The following GGT1 variants were observed in gnomAD, a reference collection of about 807,000 sequenced individuals.
GGT1 encodes glutathione hydrolase 1 proenzyme.
A neutral mutation model predicts 56.0 loss-of-function variants in GGT1; 21 were observed. The ratio of observed to expected loss-of-function variants is 0.38; its 90% CI spans 0.27 to 0.54. The LOEUF (loss-of-function observed/expected upper bound fraction) is 0.54, where lower values mean the gene tolerates loss of function less well. Among genes scored for constraint, GGT1 ranks in the 20% least tolerant of loss-of-function variants. The probability of loss-of-function intolerance (pLI) is 0.82; values close to 1 mark genes in which losing one functional copy is unlikely to be tolerated. For synonymous variants in GGT1, 238 were observed against 342.6 expected, an observed-to-expected ratio of 0.69 and a Z score of 3.37; for missense variants, 466 against 787.0, an observed-to-expected ratio of 0.59 and a Z score of 4.88.
chr22:24,594,384 C>CGT (rs762877347), upstream of GGT1, among the ~76,000 whole-genome samples: 23,192 of 140,026 alleles, frequency 0.17, 1,933 homozygotes, highest in Middle Eastern at 0.24. Flanking sequence ...GCCAAGCACC[C>CGT]GTGTGTATGT....
chr22:24,586,022 G>A, the GGT1 span: 18 of 1,611,114 alleles, frequency 1.1e-5, no homozygotes, highest in African/African-American at 1.9e-4. Context: ...GGGGAGTGAG[G>A]TGCGCTGGCT....
chr22:24,584,979 A>G, the GGT1 span, among the ~76,000 whole-genome samples: 2 of 151,888 alleles, frequency 1.3e-5, no homozygotes, highest in African/African-American at 4.8e-5. Context: ...TCTGCCCCCA[A>G]GGCCCCCTGC....
chr22:24,602,652 A>G (rs2330805), upstream of GGT1, among the ~76,000 whole-genome samples: 75,584 of 152,002 alleles, frequency 0.5, 21,543 homozygotes, highest in African/African-American at 0.79. Flanking sequence ...ATTGGGGGTC[A>G]AGGAAGGACC....
chr22:24,599,742 G>A (rs1453984712), upstream of GGT1, among the ~76,000 whole-genome samples: 1 of 152,204 alleles, frequency 6.6e-6, no homozygotes, highest in Non-Finnish European at 1.5e-5. Context: ...GCGCAGACTC[G>A]TCAGTGAGAG....
In GGT1 at chr22:24,614,902, C is replaced by A; in HGVS notation, c.291C>A (p.Thr97=). The A allele has an allele frequency of 6.2e-7, 1 of 1,613,144 alleles. No individual in the cohort carries two copies. Among genetic ancestry groups the A allele is most frequent in the Non-Finnish European group, 8.5e-7 (1 of 1,179,548 alleles). The change falls in exon 6 of 16, where the codon ACC becomes ACA. Residue 97 remains threonine (T), a synonymous_variant. Coordinates refer to ENST00000400382, the MANE Select transcript of GGT1 (RefSeq NM_001288833.2). ...GGLFLTIYNS[T]TRKAEVINAR... ...TCTTCCTCACCATCTACAACAGCAC[C>A]ACACGTGAGTGCCTCGGGAGAGGAG...
chr22:24,589,233 C>T, the GGT1 span: 20 of 1,262,612 alleles, frequency 1.6e-5, no homozygotes, highest in Non-Finnish European at 1.8e-5. Context: ...GGCAGGACAT[C>T]TGCAGGTGCT....
the GGT1 span, chr22:24,585,546 T>G: frequency 3.6e-5 from 12 of 333,062 alleles, no homozygotes; most frequent in East Asian, 6.5e-5. Context: ...GTCCCACCCT[T>G]TTGGATAGAC....
At chr22:24,587,446 C>G in the GGT1 span, among the ~76,000 whole-genome samples, 1 of 152,196 alleles carries the variant, frequency 6.6e-6, no homozygotes. Context: ...CCCTCAGGAC[C>G]CCCACCAGCC....
intron 9 of GGT1, among the ~76,000 whole-genome samples, chr22:24,622,232 A>G (rs1260643159): frequency 6.6e-6 from 1 of 150,636 alleles, no homozygotes; most frequent in Non-Finnish European, 1.5e-5. Flanking sequence ...GGGGTGGGGA[A>G]CAAGAAAACA....
chr22:24,604,476 G>A lies in GGT1; in HGVS notation c.-429+949G>A, dbSNP rs565707930. Among the ~76,000 whole-genome samples the A allele has an allele frequency of 1.3e-3, 202 of 152,220 alleles. 1 individual carries two copies. Among genetic ancestry groups the A allele is most frequent in the African/African-American group, 4.7e-3 (197 of 41,532 alleles). ...AAGCTGCTCTGCTCAGCCTAAATGA[G>A]GCTCAGTTGTGTGTGTGCGCACGTG... On this transcript the variant is annotated intron_variant, in intron 1 of 15. Coordinates refer to ENST00000400382, the MANE Select transcript of GGT1 (RefSeq NM_001288833.2).
Position 24,605,469 on chromosome 22 carries a change from T to C in GGT1, c.-429+1942T>C, listed in dbSNP as rs1253890262. On this transcript the variant is annotated intron_variant, in intron 1 of 15. Coordinates refer to ENST00000400382, the MANE Select transcript of GGT1 (RefSeq NM_001288833.2). ...ATAATGTGTATTATATATAATATAA[T>C]ATTATATAATGTGTATTATATATTA... Among the ~76,000 whole-genome samples the C allele has an allele frequency of 2.1e-4, 15 of 73,128 alleles. 3 individuals are homozygous for C. The highest frequency in any genetic ancestry group is 1.9e-3 in the South Asian group (5 of 2,638). 48.0% of individuals were successfully genotyped at this position (73,128 alleles called of 152,430 possible). A position where few individuals can be genotyped will look rare whatever the true frequency, so the allele number is the denominator to read the frequency against.
the GGT1 span, among the ~76,000 whole-genome samples, chr22:24,584,201 A>G: frequency 6.6e-6 from 1 of 152,174 alleles, no homozygotes; most frequent in South Asian, 2.1e-4. Flanking sequence ...AGTCCCTAAA[A>G]CAAGGAGAGC....
the GGT1 span, among the ~76,000 whole-genome samples, chr22:24,587,709 C>G: frequency 6.6e-6 from 1 of 152,178 alleles, no homozygotes; most frequent in Non-Finnish European, 1.5e-5. Context: ...CCACGGAAGC[C>G]TCAGTTTTAG....
upstream of GGT1, among the ~76,000 whole-genome samples, chr22:24,591,834 G>A (rs1043218885): frequency 1.3e-5 from 2 of 152,230 alleles, no homozygotes; most frequent in East Asian, 1.9e-4. Context: ...GCCCCAGACC[G>A]CAACCTGCCA....
chr22:24,614,745 G>T (rs780628733), intron 5 of GGT1, 31 bp from the exon 6 acceptor site: 4 of 1,612,112 alleles, frequency 2.5e-6, no homozygotes, highest in East Asian at 4.5e-5. Flanking sequence ...GAAGCCTGCA[G>T]GTTCTCATGC....
chr22:24,617,504 G>A (rs2047147570), intron 7 of GGT1, among the ~76,000 whole-genome samples: 1 of 152,158 alleles, frequency 6.6e-6, no homozygotes, highest in East Asian at 1.9e-4. Flanking sequence ...AGGGTGCTGG[G>A]AAGTGGCTGA....
At chr22:24,593,060 C>G (rs1173217416), upstream of GGT1, 4 of 1,038,548 alleles carry the variant, frequency 3.9e-6, no homozygotes, top group African/African-American at 5.1e-5. Flanking sequence ...CGATGGTCGC[C>G]GAACCCACAG....
chr22:24,583,781 C>T, the GGT1 span: 1 of 471,178 alleles, frequency 2.1e-6, no homozygotes, highest in Non-Finnish European at 4.4e-6. Context: ...GCCTGGAACA[C>T]CAGCTCGGGT....
chr22:24,595,099 A>G (rs1372571140), intron 1 of GGT1, among the ~76,000 whole-genome samples: 1 of 152,068 alleles, frequency 6.6e-6, no homozygotes, highest in Non-Finnish European at 1.5e-5. Flanking sequence ...GGTATGGGGG[A>G]GTGCTCAGAG....
Sources: gnomAD v4.1 joint callset for allele counts (sites outside exome capture counted in the v4.1 genomes callset) on GRCh38, gnomAD v4.1.1 for gene constraint, MANE v1.5 for transcripts, NCBI Gene and HGNC (gene_info 2026-07-23, HGNC 2026-07-21) for gene names.